Variants in THNSL1 observed in about 807,000 individuals in gnomAD.
The protein encoded by THNSL1 is threonine synthase like 1.
Under a neutral mutation model 50.4 loss-of-function variants are expected in THNSL1, and 48 were observed. The observed-to-expected ratio is 0.95, with a 90% CI of 0.76 to 1.21. The LOEUF (loss-of-function observed/expected upper bound fraction) is 1.21. Among genes scored for constraint, THNSL1 ranks in the 50% most tolerant of loss-of-function variants. THNSL1 has a pLI of 0.00. For missense variants in THNSL1, 896 were observed against 871.7 expected (o/e 1.03, Z -0.35); for synonymous variants, 309 against 306.1 (o/e 1.01, Z -0.10).
chr10:25,016,004 C>CCTTTCTTCACTGCTTCCCCTTT (rs2132731343), upstream of THNSL1: 1 of 1,551,072 alleles, frequency 6.4e-7, no homozygotes, highest in African/African-American at 1.4e-5. Flanking sequence ...TATCTCCGTC[C>CCTTTCTTCACTGCTTCCCCTTT]CTTTCTTCAC....
chr10:24,991,190 TAAGA>T, the THNSL1 span, among the ~76,000 whole-genome samples: 1 of 152,164 alleles, frequency 6.6e-6, no homozygotes. Flanking sequence ...ACTTTACTCC[TAAGA>T]GTTGGCTTTT....
At chr10:24,956,820 T>C in the THNSL1 span, among the ~76,000 whole-genome samples, 4 of 151,966 alleles carry the variant, frequency 2.6e-5, no homozygotes, top group Non-Finnish European at 1.5e-5. Context: ...CTGTAGGAGG[T>C]GAGTGTCAGC....
chr10:24,978,098 A>G, the THNSL1 span, among the ~76,000 whole-genome samples: 3 of 152,186 alleles, frequency 2.0e-5, no homozygotes, highest in Admixed American at 1.3e-4. Context: ...AAAAATTAGT[A>G]TGTGCATGGC....
chr10:24,961,104 CA>C, the THNSL1 span, among the ~76,000 whole-genome samples: 12 of 152,226 alleles, frequency 7.9e-5, no homozygotes, highest in African/African-American at 2.9e-4. Flanking sequence ...TATAGAAAAA[CA>C]GAAGTAAAAT....
chr10:24,963,918 G>A, the THNSL1 span, among the ~76,000 whole-genome samples: 2 of 152,178 alleles, frequency 1.3e-5, no homozygotes, highest in South Asian at 4.1e-4. Context: ...CATTCTCTAG[G>A]TTTGGGAGCT....
chr10:24,988,250 A>ATG, the THNSL1 span, among the ~76,000 whole-genome samples: 3 of 140,292 alleles, frequency 2.1e-5, no homozygotes. Flanking sequence ...ATATATATAT[A>ATG]TGTGTATATA....
chr10:25,018,895 T>A (rs1416098877), intron 1 of THNSL1, among the ~76,000 whole-genome samples: 1 of 152,156 alleles, frequency 6.6e-6, no homozygotes, highest in Non-Finnish European at 1.5e-5. Context: ...TAGTCAGCTT[T>A]GATAGTAATA....
the THNSL1 span, among the ~76,000 whole-genome samples, chr10:24,986,632 C>T: frequency 2.0e-5 from 3 of 152,074 alleles, no homozygotes; most frequent in South Asian, 6.2e-4. Context: ...GTGATGTTTC[C>T]ATATTACTTG....
In THNSL1 at chr10:25,023,563, G is replaced by A; in HGVS notation, c.340G>A (p.Glu114Lys). Reference sequence around the variant, plus strand: ...TGTTGGTAATGAGCAATTTTTAGAAGAGGAAGGAAAAGCTGTGTTAAACTT... The same window carrying A: ...TGTTGGTAATGAGCAATTTTTAGAAAAGGAAGGAAAAGCTGTGTTAAACTT... Reference protein sequence around the residue: ...QDVGNEQFLEEEGKAVLNFSA... With the variant: ...QDVGNEQFLEKEGKAVLNFSA... Residue 114 changes from glutamate (E) to lysine (K), a missense_variant, in exon 3 of 3, where the codon GAG (glutamate) becomes AAG (lysine). Physicochemically the swap from Glu to Lys is moderately conservative, Grantham distance 56. Coordinates refer to ENST00000376356, the MANE Select transcript of THNSL1 (RefSeq NM_024838.5). 6.2e-7 allele frequency: 1 copy of A among 1,614,122 alleles called. No homozygotes were observed. The highest frequency in any genetic ancestry group is 8.5e-7 in the Non-Finnish European group (1 of 1,179,988).
intron 1 of THNSL1, among the ~76,000 whole-genome samples, chr10:25,017,695 C>T (rs1369975361): frequency 6.7e-6 from 1 of 149,698 alleles, no homozygotes; most frequent in African/African-American, 2.5e-5. Flanking sequence ...CAGATTTCTT[C>T]ACATCAGATT....
the THNSL1 span, among the ~76,000 whole-genome samples, chr10:24,954,651 A>G: frequency 6.6e-6 from 1 of 152,220 alleles, no homozygotes; most frequent in African/African-American, 2.4e-5. Flanking sequence ...TGTGTGCTCA[A>G]GAACATCCTA....
At chr10:24,987,405 G>C in the THNSL1 span, among the ~76,000 whole-genome samples, 2 of 152,120 alleles carry the variant, frequency 1.3e-5, no homozygotes, top group African/African-American at 4.8e-5. Context: ...GAGAGGCTGA[G>C]GGAGGAGGAT....
upstream of THNSL1, chr10:25,016,261 A>G: frequency 1.1e-6 from 1 of 886,206 alleles, no homozygotes; most frequent in Non-Finnish European, 1.4e-6. Context: ...TCTGCTAGAG[A>G]AGCTCATTTG....
rs1850818527 is a variant in THNSL1, at chr10:25,024,997, A to G, written c.1774A>G (p.Asn592Asp). 2 of 1,614,224 alleles carry G rather than the reference A, an allele frequency of 1.2e-6. No homozygotes were observed. The highest frequency in any genetic ancestry group is 1.7e-6 in the Non-Finnish European group (2 of 1,180,040). Residue 592 changes from asparagine (N) to aspartate (D), a missense_variant, in exon 3 of 3, where the codon AAT becomes GAT. Asn to Asp is a conservative substitution (Grantham distance 23). Transcript: ENST00000376356. ...TGGACAGCTAATGACAGAATTATTT[A>G]ATCGATTAGAAAGTCAGCATCATTT... ...KDGQLMTELF[N>D]RLESQHHFQI...
chr10:24,980,458 T>G, the THNSL1 span, among the ~76,000 whole-genome samples: 2 of 151,918 alleles, frequency 1.3e-5, no homozygotes, highest in Admixed American at 1.3e-4. Flanking sequence ...TAGCATCCTG[T>G]TTTTTTTCTT....
chr10:24,999,480 A>G, the THNSL1 span: 6 of 1,613,296 alleles, frequency 3.7e-6, no homozygotes, highest in Non-Finnish European at 5.1e-6. Context: ...CTGGTCCCAT[A>G]GTTTTCATTG....
At chr10:24,985,140 G>A in the THNSL1 span, among the ~76,000 whole-genome samples, 4 of 152,258 alleles carry the variant, frequency 2.6e-5, no homozygotes, top group African/African-American at 9.6e-5. Flanking sequence ...TGTTTGCTCT[G>A]CTTTTGTTGT....
Position 25,024,455 on chromosome 10 carries a change from G to T in THNSL1, c.1232G>T (p.Gly411Val). The T allele has an allele frequency of 6.2e-7, 1 of 1,614,102 alleles. No homozygotes were observed. The highest frequency in any genetic ancestry group is 8.5e-7 in the Non-Finnish European group (1 of 1,180,024). ...GTGGTTGCATTTTTTCCTGAGAATG[G>T]AGTAAGTGATTTTCAAAAAGCACAA... ...IAVVAFFPEN[G>V]VSDFQKAQII... Residue 411 changes from glycine to valine, a missense_variant, in exon 3 of 3, where the codon GGA becomes GTA. Coordinates refer to ENST00000376356, the MANE Select transcript of THNSL1 (RefSeq NM_024838.5).
chr10:25,007,953 A>C, the THNSL1 span, among the ~76,000 whole-genome samples: 2 of 149,304 alleles, frequency 1.3e-5, no homozygotes, highest in Admixed American at 6.7e-5. Context: ...ACACATCTTC[A>C]TTTGTGTGCC....
Sources: allele counts gnomAD v4.1 joint callset (sites outside exome capture counted in the v4.1 genomes callset), GRCh38; gene constraint gnomAD v4.1.1; transcripts MANE v1.5; gene names NCBI Gene and HGNC (gene_info 2026-07-23, HGNC 2026-07-21).